CSMD1: variants seen among roughly 807,000 people sequenced by gnomAD.
CSMD1 encodes the protein CUB and Sushi multiple domains 1.
CSMD1 carries 213 observed loss-of-function variants against 417.5 expected under a neutral mutation model. The observed-to-expected ratio is 0.51, with a 90% CI of 0.46 to 0.57. The LOEUF (loss-of-function observed/expected upper bound fraction) is 0.57, where lower values mean the gene tolerates loss of function less well. Ranked by LOEUF, CSMD1 falls within the 20% of genes least tolerant of loss-of-function variation. The pLI is 0.00. For synonymous variants in CSMD1, 2,862 were observed against 1,736.8 expected (o/e 1.65, Z -16.11); for missense variants, 6,923 against 4,529.7 (o/e 1.53, Z -15.17).
chr8:3,661,792 C>T (rs534993518), intron 7 of CSMD1, among the ~76,000 whole-genome samples: 39 of 152,256 alleles, frequency 2.6e-4, no homozygotes, highest in Non-Finnish European at 2.9e-5. Flanking sequence ...CCACCATGAC[C>T]GGCAAACTCC....
chr8:4,387,570 C>CAAAGAAAAAAAAAAA (rs1803536199), intron 3 of CSMD1, among the ~76,000 whole-genome samples: 1 of 37,208 alleles, frequency 2.7e-5, no homozygotes, highest in Admixed American at 4.0e-4. Context: ...TCCAAACTGG[C>CAAAGAAAAAAAAAAA]AAAAAAAAAA....
chr8:3,509,870 G>A (rs1006819051), intron 10 of CSMD1, among the ~76,000 whole-genome samples: 1 of 152,134 alleles, frequency 6.6e-6, no homozygotes, highest in Non-Finnish European at 1.5e-5. Context: ...CCAACTCTGT[G>A]GCCATGGTAA....
chr8:4,820,233 T>C (rs916693007), intron 1 of CSMD1, among the ~76,000 whole-genome samples: 4 of 152,144 alleles, frequency 2.6e-5, no homozygotes, highest in South Asian at 4.1e-4. Flanking sequence ...TATTGAATTG[T>C]AGCGGTGACC....
At chr8:3,268,484 T>A (rs1394536392) in intron 26 of CSMD1, among the ~76,000 whole-genome samples, 1 of 151,722 alleles carries the variant, frequency 6.6e-6, no homozygotes, top group African/African-American at 2.4e-5. Flanking sequence ...AGAGACAGGG[T>A]TTCACCGTGT....
At chr8:3,867,162 A>T (rs1805160657) in intron 5 of CSMD1, among the ~76,000 whole-genome samples, 1 of 152,200 alleles carries the variant, frequency 6.6e-6, no homozygotes, top group Non-Finnish European at 1.5e-5. Context: ...AAGGCAGAAT[A>T]GTTCACTGGT....
At chr8:3,925,193 G>C (rs1467597555) in intron 5 of CSMD1, among the ~76,000 whole-genome samples, 3 of 152,180 alleles carry the variant, frequency 2.0e-5, no homozygotes, top group Non-Finnish European at 2.9e-5. Context: ...AGAAATGTGT[G>C]TGTTTTCAAT....
intron 1 of CSMD1, among the ~76,000 whole-genome samples, chr8:4,762,085 C>A (rs1812147559): frequency 6.6e-6 from 1 of 152,020 alleles, no homozygotes; most frequent in African/African-American, 2.4e-5. Flanking sequence ...AGTATAGTAG[C>A]TGGTGTTTTA....
chr8:3,793,190 G>A (rs549685617), intron 5 of CSMD1, among the ~76,000 whole-genome samples: 1 of 152,166 alleles, frequency 6.6e-6, no homozygotes, highest in South Asian at 2.1e-4. Flanking sequence ...GCATTTTTCT[G>A]TTTAGCAATT....
rs60439183 is a variant in CSMD1 at position 3,266,604 on chromosome 8, C to CAAAAAAA, written c.4153+17533_4153+17539dup. On this transcript the variant is annotated intron_variant, in intron 26 of 69. Coordinates refer to ENST00000635120, the MANE Select transcript of CSMD1 (RefSeq NM_033225.6). ...CTGGTGGCAGAGTGAGACTCCCTCT[C>CAAAAAAA]AAAAAAAAAAAAAAAAAAAAAAAAG... 4.7e-4 allele frequency among the ~76,000 whole-genome samples: 12 copies of CAAAAAAA among 25,510 alleles called. 1 individual carries two copies. Among genetic ancestry groups the CAAAAAAA allele is most frequent in the African/African-American group, 9.3e-4 (5 of 5,404 alleles). The allele number at this position is 25,510 out of a possible 152,430, so 16.7% of individuals were successfully genotyped here.
chr8:3,820,567 T>G (rs1354651395), intron 5 of CSMD1, among the ~76,000 whole-genome samples: 1 of 152,148 alleles, frequency 6.6e-6, no homozygotes, highest in Admixed American at 6.5e-5. Context: ...TGTTGTGTTT[T>G]TGTTTTTGTT....
At chr8:4,468,753 A>G (rs961853687) in intron 2 of CSMD1, among the ~76,000 whole-genome samples, 1 of 152,194 alleles carries the variant, frequency 6.6e-6, no homozygotes, top group Admixed American at 6.5e-5. Context: ...GCTTGCTTCT[A>G]TGTCTGAATC....
At chr8:4,531,295 C>A (rs555766537) in intron 2 of CSMD1, among the ~76,000 whole-genome samples, 1 of 152,100 alleles carries the variant, frequency 6.6e-6, no homozygotes, top group Non-Finnish European at 1.5e-5. Context: ...AATAACTAAA[C>A]CCGATGTGCC....
At chr8:4,334,277 G>T (rs1054635922) in intron 3 of CSMD1, among the ~76,000 whole-genome samples, 3 of 152,096 alleles carry the variant, frequency 2.0e-5, no homozygotes, top group African/African-American at 7.2e-5. Context: ...TGCCTTACAC[G>T]TGTTTGGTCA....
chr8:3,387,320 A>T lies in CSMD1; in HGVS notation c.2782+174T>A, dbSNP rs114592168. Among the ~76,000 whole-genome samples, 190 of 152,296 alleles carry T rather than the reference A, an allele frequency of 1.2e-3. 1 individual carries two copies. Among genetic ancestry groups the T allele is most frequent in the African/African-American group, 4.2e-3 (175 of 41,564 alleles). ...TTCTATCTAGTACATACACGGTGGT[A>T]GGTAAACTTCAAATGATCGGGAATG... On this transcript the variant is annotated intron_variant, in intron 18 of 69. Transcript: ENST00000635120.
chr8:3,033,872 T>C (rs1810500157), intron 50 of CSMD1, among the ~76,000 whole-genome samples: 1 of 152,236 alleles, frequency 6.6e-6, no homozygotes. Context: ...CCTCACTCAG[T>C]ACACAGCAAA....
chr8:4,459,625 G>A (rs1417998361), intron 2 of CSMD1, among the ~76,000 whole-genome samples: 1 of 152,150 alleles, frequency 6.6e-6, no homozygotes, highest in South Asian at 2.1e-4. Context: ...TCGCATTGTG[G>A]GTTAGAACAA....
chr8:4,416,560 T>C (rs1790413895), intron 3 of CSMD1, among the ~76,000 whole-genome samples: 1 of 152,080 alleles, frequency 6.6e-6, no homozygotes, highest in African/African-American at 2.4e-5. Flanking sequence ...TTCCAACATT[T>C]AGCTTACGTT....
intron 2 of CSMD1, among the ~76,000 whole-genome samples, chr8:4,632,123 T>A (rs114736989): frequency 2.0e-5 from 3 of 152,188 alleles, no homozygotes; most frequent in Non-Finnish European, 4.4e-5. Flanking sequence ...TTGACTCACA[T>A]TCATTTAGGA....
At chr8:4,679,893 T>A (rs1263338096) in intron 1 of CSMD1, among the ~76,000 whole-genome samples, 4 of 152,160 alleles carry the variant, frequency 2.6e-5, no homozygotes, top group Admixed American at 2.0e-4. Context: ...AAATGCTCAT[T>A]TAATTTTAAA....
Sources: allele counts gnomAD v4.1 joint callset (sites outside exome capture counted in the v4.1 genomes callset), GRCh38; gene constraint gnomAD v4.1.1; transcripts MANE v1.5; gene names NCBI Gene and HGNC (gene_info 2026-07-23, HGNC 2026-07-21).